Variants in DMD observed in about 807,000 individuals in gnomAD.
The protein encoded by DMD is mutant dystrophin.
In DMD, 63 loss-of-function variants were observed where a neutral mutation model predicts 330.1. That is an observed-to-expected ratio of 0.19 (90% CI 0.16 to 0.24). The LOEUF is 0.24. Among genes scored for constraint, DMD ranks in the 10% least tolerant of loss-of-function variants. DMD has a pLI of 1.00. For missense variants in DMD, 3,344 were observed against 2,684.1 expected (o/e 1.25, Z -5.43); for synonymous variants, 1,223 against 959.8 (o/e 1.27, Z -5.07).
At position 32,014,603 on chromosome X, in the gene DMD, C is replaced by A. The variant is rs753885472; in HGVS notation, c.6439-46089G>T. Among the ~76,000 whole-genome samples the A allele has an allele frequency of 3.6e-5, 4 of 111,643 alleles. No homozygotes were observed. In the South Asian group the frequency reaches 1.5e-3, roughly 42 times the overall value. On this transcript the variant is annotated intron_variant, in intron 44 of 78. Transcript: ENST00000357033. ...TCTCACCTGATAAGCAAGGAGGATC[C>A]CTACCTTCTACCTCCCAGAGCTGAT... is the stretch of plus-strand genomic sequence containing the variant.
chrX:31,853,099 G>A (rs188821027), intron 48 of DMD, among the ~76,000 whole-genome samples: 3 of 112,416 alleles, frequency 2.7e-5, no homozygotes, highest in South Asian at 3.7e-4. Flanking sequence ...GGCCAGGCTC[G>A]TCTCGAACTC....
At chrX:32,215,587 G>A (rs2097109429) in intron 44 of DMD, among the ~76,000 whole-genome samples, 2 of 111,093 alleles carry the variant, frequency 1.8e-5, no homozygotes, top group Non-Finnish European at 3.8e-5. Context: ...TTCACAATAA[G>A]TACTAATTTG....
chrX:32,078,890 G>T (rs922802668), intron 44 of DMD, among the ~76,000 whole-genome samples: 5 of 111,870 alleles, frequency 4.5e-5, no homozygotes, highest in South Asian at 3.7e-4. Flanking sequence ...TGAAGAATAC[G>T]AAAAGTTGAT....
chrX:32,389,742 A>G (rs2097987824), intron 31 of DMD, 68 bp from the exon 32 acceptor site: 7 of 1,006,614 alleles, frequency 7.0e-6, no homozygotes, highest in African/African-American at 5.6e-5. Context: ...TCCTATTTTT[A>G]TTGATAGATC....
chrX:32,592,117 A>C (rs186912146), intron 13 of DMD, among the ~76,000 whole-genome samples: 18 of 111,246 alleles, frequency 1.6e-4, no homozygotes, highest in Non-Finnish European at 3.4e-4. Flanking sequence ...CATGGATGGC[A>C]TGTTGATGGT....
chrX:31,644,923 C>T (rs1388483198), intron 54 of DMD, among the ~76,000 whole-genome samples: 1 of 111,696 alleles, frequency 9.0e-6, no homozygotes, highest in Non-Finnish European at 1.9e-5. Flanking sequence ...AATTGCCTAC[C>T]TGTCAGGATA....
intron 16 of DMD, among the ~76,000 whole-genome samples, chrX:32,549,684 C>T (rs1393014358): frequency 9.0e-6 from 1 of 111,354 alleles, no homozygotes; most frequent in Admixed American, 9.6e-5. Flanking sequence ...TTTTCTCATT[C>T]TGAGAAAAAT....
intron 12 of DMD, among the ~76,000 whole-genome samples, chrX:32,607,330 A>G (rs1272429659): frequency 9.0e-6 from 1 of 110,639 alleles, no homozygotes; most frequent in African/African-American, 3.3e-5. Context: ...ATCACTATTT[A>G]TTTCTAATAA....
chrX:32,727,108 A>G (rs994066680), intron 7 of DMD, among the ~76,000 whole-genome samples: 18 of 111,212 alleles, frequency 1.6e-4, no homozygotes, highest in Non-Finnish European at 5.7e-5. Context: ...TTTAGGCATG[A>G]TATCATCTTT....
intron 1 of DMD, among the ~76,000 whole-genome samples, chrX:33,061,369 T>A (rs963467477): frequency 1.8e-5 from 2 of 111,973 alleles, no homozygotes; most frequent in African/African-American, 6.5e-5. Context: ...TTTTAAGTGG[T>A]GGAAAATGAA....
chrX:31,556,240 G>A (rs1280399343), intron 55 of DMD, among the ~76,000 whole-genome samples: 2 of 107,157 alleles, frequency 1.9e-5, no homozygotes, highest in East Asian at 2.9e-4. Flanking sequence ...GGTGGCAGGC[G>A]CCTGTGGTAC....
intron 54 of DMD, among the ~76,000 whole-genome samples, chrX:31,644,798 C>T (rs2079985833): frequency 1.8e-5 from 2 of 111,542 alleles, no homozygotes; most frequent in African/African-American, 3.3e-5. Context: ...TTAGAGTAGA[C>T]CAGGTCCGTC....
intron 7 of DMD, among the ~76,000 whole-genome samples, chrX:32,777,705 A>T (rs919105492): frequency 1.8e-5 from 2 of 112,536 alleles, no homozygotes; most frequent in Non-Finnish European, 3.8e-5. Flanking sequence ...AAACAAAGAC[A>T]TTCTTCTGCA....
At chrX:32,031,874 C>T (rs1230215636) in intron 44 of DMD, among the ~76,000 whole-genome samples, 1 of 111,946 alleles carries the variant, frequency 8.9e-6, no homozygotes, top group African/African-American at 3.2e-5. Context: ...ATTTGCTTTT[C>T]AGCTAGCATT....
chrX:32,535,808 T>C lies in DMD; in HGVS notation c.2168+9351A>G, dbSNP rs186163327. Among the ~76,000 whole-genome samples, 239 of 111,963 alleles carry C rather than the reference T, an allele frequency of 2.1e-3. 1 individual carries two copies. Among genetic ancestry groups the C allele is most frequent in the African/African-American group, 7.3e-3 (226 of 30,809 alleles). ...AAATCCCTCATCAACATCCAATAAA[T>C]ATTTATTCAATACCTACTATGAGCT... On this transcript the variant is annotated intron_variant, in intron 17 of 78. Coordinates refer to ENST00000357033, the MANE Select transcript of DMD (RefSeq NM_004006.3).
At chrX:31,650,247 C>T (rs1216496421) in intron 54 of DMD, among the ~76,000 whole-genome samples, 6 of 84,558 alleles carry the variant, frequency 7.1e-5, no homozygotes, top group African/African-American at 2.3e-4. Context: ...GGGGACATGT[C>T]CCACCAGGAA....
At chrX:32,252,719 TATATAAATATATAA>T (rs2097272712) in intron 43 of DMD, among the ~76,000 whole-genome samples, 1 of 44,353 alleles carries the variant, frequency 2.3e-5, no homozygotes, top group African/African-American at 1.1e-4. Flanking sequence ...TATATAAATA[TATATAAATATATAA>T]ATATATATAT....
intron 44 of DMD, among the ~76,000 whole-genome samples, chrX:31,973,374 T>C (rs1157416139): frequency 9.1e-6 from 1 of 110,235 alleles, no homozygotes; most frequent in Non-Finnish European, 1.9e-5. Flanking sequence ...CTGAAATAAA[T>C]GGCCTTTTTT....
chrX:31,508,380 C>T, intron 55 of DMD: 1 of 626,934 alleles, frequency 1.6e-6, no homozygotes, highest in Middle Eastern at 3.4e-4. Flanking sequence ...ACAGGCCTCA[C>T]CAGTCAATAA....
Sources: allele counts gnomAD v4.1 joint callset (sites outside exome capture counted in the v4.1 genomes callset), GRCh38; gene constraint gnomAD v4.1.1; transcripts MANE v1.5; gene names NCBI Gene and HGNC (gene_info 2026-07-23, HGNC 2026-07-21).